PRSS54: variants seen among roughly 807,000 people sequenced by gnomAD.
The protein encoded by PRSS54 is serine protease 54, also known as inactive serine protease 54.
In PRSS54, 16 loss-of-function variants were observed where a neutral mutation model predicts 19.9. That is an observed-to-expected ratio of 0.80 (90% CI 0.54 to 1.22). The LOEUF is 1.22. Among genes scored for constraint, PRSS54 ranks in the 50% most tolerant of loss-of-function variants. PRSS54 has a pLI of 0.00. For missense variants in PRSS54, 444 were observed against 494.8 expected, an observed-to-expected ratio of 0.90 and a Z score of 0.97; for synonymous variants, 177 against 195.8, an observed-to-expected ratio of 0.90 and a Z score of 0.80.
chr16:58,284,295 A>G (rs935291051), intron 6 of PRSS54: 2 of 334,990 alleles, frequency 6.0e-6, no homozygotes, highest in Non-Finnish European at 1.2e-5. Context: ...TGCTCAAAGC[A>G]TATCGGCCTC....
chr16:58,286,021 C>T lies in PRSS54; in HGVS notation c.438G>A (p.Gln146=). Residue 146 remains glutamine, a synonymous_variant, in exon 5 of 7, where the codon CAG becomes CAA. Coordinates refer to ENST00000567164, the MANE Select transcript of PRSS54 (RefSeq NM_001305173.2). ...DTAMHFGNLV[Q]SICFLGRMLH... is the part of the protein sequence containing the mutation. Reference sequence around the variant, plus strand: ...GCATTCTGCCGAGGAAGCAGATGGACTGGACCAGGTTGCCAAAATGCATCG... The same window carrying T: ...GCATTCTGCCGAGGAAGCAGATGGATTGGACCAGGTTGCCAAAATGCATCG... The T allele has an allele frequency of 6.2e-7, 1 of 1,614,196 alleles. No individual in the cohort carries two copies. Among genetic ancestry groups the T allele is most frequent in the Non-Finnish European group, 8.5e-7 (1 of 1,180,042 alleles).
intron 4 of PRSS54, among the ~76,000 whole-genome samples, chr16:58,289,729 GC>G (rs1445867313): frequency 6.6e-6 from 1 of 151,902 alleles, no homozygotes; most frequent in Non-Finnish European, 1.5e-5. Context: ...ATGCCACTAT[GC>G]CCCGGTAATT....
rs756469714 is a variant in PRSS54 at position 58,291,469 on chromosome 16, A to G, written c.86-333T>C. 8.8e-4 allele frequency among the ~76,000 whole-genome samples: 131 copies of G among 149,096 alleles called. 2 individuals are homozygous for G. The highest frequency in any genetic ancestry group is 5.2e-4 in the Non-Finnish European group (35 of 67,012). Reference sequence around the variant, plus strand: ...TTTTGGGATCTGCAAGGTTAAAGCTATTTTCATTTTCTTTTCTTTTTTTCT... The same window carrying G: ...TTTTGGGATCTGCAAGGTTAAAGCTGTTTTCATTTTCTTTTCTTTTTTTCT... On this transcript the variant is annotated intron_variant, in intron 3 of 6. Transcript: ENST00000567164.
chr16:58,284,152 C>T (rs990886702), intron 6 of PRSS54, among the ~76,000 whole-genome samples: 5 of 151,904 alleles, frequency 3.3e-5, no homozygotes. Flanking sequence ...GGCAGTAGGA[C>T]AGCCACATCC....
At position 58,280,227 on chromosome 16, in the gene PRSS54, G is replaced by C; in HGVS notation, c.1185C>G (p.Ile395Met). Residue 395 changes from isoleucine (I) to methionine (M), a missense_variant, in exon 7 of 7, where the codon ATC becomes ATG. Coordinates refer to ENST00000567164, the MANE Select transcript of PRSS54 (RefSeq NM_001305173.2). ...GTTTGGTGGGGTAGCTCCTGGACTA[G>C]ATACTGCTGCAAAAGAAAACAAGCA... The part of the protein sequence containing the change: ...SFVLVFFCSS[I>M] 2 of 1,608,672 alleles carry C rather than the reference G, an allele frequency of 1.2e-6. No individual in the cohort carries two copies. Among genetic ancestry groups the C allele is most frequent in the South Asian group, 1.1e-5 (1 of 89,762 alleles).
intron 5 of PRSS54, among the ~76,000 whole-genome samples, chr16:58,285,723 CAAAAAAAAA>C (rs1178010291): frequency 2.5e-5 from 2 of 78,842 alleles, no homozygotes; most frequent in African/African-American, 4.9e-5. Context: ...GACCCTGTCT[CAAAAAAAAA>C]AAAAAAAAAA....
At chr16:58,281,465 A>C (rs940755904) in intron 6 of PRSS54, 4 of 152,564 alleles carry the variant, frequency 2.6e-5, no homozygotes, top group African/African-American at 9.6e-5. Context: ...TATAAAGGCC[A>C]GCATTTTTCT....
chr16:58,280,132 A>C lies in PRSS54; in HGVS notation c.*92T>G. On this transcript the variant is annotated 3_prime_UTR_variant, in exon 7 of 7. Coordinates refer to ENST00000567164, the MANE Select transcript of PRSS54 (RefSeq NM_001305173.2). ...CTTATCCGTGGCAGCCCCAGTGTGC[A>C]ACTATCAAAAACAGACATCAAAACA... The C allele has an allele frequency of 7.6e-7, 1 of 1,323,586 alleles. No individual in the cohort carries two copies. The highest frequency in any genetic ancestry group is 1.0e-6 in the Non-Finnish European group (1 of 954,430). The allele number at this position is 1,323,586 out of a possible 1,614,324, so 82.0% of individuals were successfully genotyped here.
rs781733493 is a variant in PRSS54, at chr16:58,280,562, A to C, written c.850T>G (p.Leu284Val). 1 of 1,614,174 alleles carries C rather than the reference A, an allele frequency of 6.2e-7. No individual in the cohort carries two copies. Among genetic ancestry groups the C allele is most frequent in the Admixed American group, 1.7e-5 (1 of 60,022 alleles). Residue 284 changes from leucine to valine, a missense_variant, in exon 7 of 7, where the codon TTG (leucine) becomes GTG (valine). Physicochemically the swap from Leu to Val is conservative, Grantham distance 32. Transcript: ENST00000567164. ...GGTCCATGGTGGGAGAAAGAAATCA[A>C]CTTTTCCCAGTGGTGGAGTGAGGAC... ...PLSSLHHWEKLISFSHHGPNA... is the reference protein window; with the variant it reads ...PLSSLHHWEKVISFSHHGPNA...
rs1010474956 is a variant in PRSS54 at position 58,294,053 on chromosome 16, G to A, written c.-75C>T. ...GACCAGTTGGCCCGCACTGTGGTTTGTGAGATGGCCAGAGAAGAGAGGGCA... is the reference window on the plus strand; with the variant it reads ...GACCAGTTGGCCCGCACTGTGGTTTATGAGATGGCCAGAGAAGAGAGGGCA... On this transcript the variant is annotated 5_prime_UTR_variant, in exon 2 of 7. Coordinates refer to ENST00000567164, the MANE Select transcript of PRSS54 (RefSeq NM_001305173.2). 5 of 538,154 alleles carry A rather than the reference G, an allele frequency of 9.3e-6. No homozygotes were observed. Among genetic ancestry groups the A allele is most frequent in the South Asian group, 6.5e-5 (3 of 46,508 alleles). 33.3% of individuals were successfully genotyped at this position (538,154 alleles called of 1,614,324 possible).
intron 3 of PRSS54, 96 bp downstream of exon 3, chr16:58,293,636 C>T: frequency 6.5e-7 from 1 of 1,542,046 alleles, no homozygotes; most frequent in East Asian, 2.4e-5. Flanking sequence ...CCCTGAGCCC[C>T]TCCTTGGACA....
chr16:58,287,040 G>A (rs1964933812), intron 4 of PRSS54, among the ~76,000 whole-genome samples: 1 of 152,160 alleles, frequency 6.6e-6, no homozygotes, highest in Admixed American at 6.6e-5. Context: ...TTAAAGGCTT[G>A]AGAGGAAAAT....
At chr16:58,288,301 C>T (rs1964962819) in intron 4 of PRSS54, among the ~76,000 whole-genome samples, 1 of 152,146 alleles carries the variant, frequency 6.6e-6, no homozygotes, top group Non-Finnish European at 1.5e-5. Flanking sequence ...TGGCATGCGC[C>T]TGTAGTCCCA....
intron 6 of PRSS54, chr16:58,283,054 C>T (rs11865985): frequency 0.1 from 15,804 of 152,304 alleles, 916 homozygotes; most frequent in Admixed American, 0.13. Flanking sequence ...CCCAAGGGAG[C>T]GGCCACAGCC....
intron 5 of PRSS54, 137 bp from the exon 6 acceptor site, chr16:58,284,858 A>G (rs1003399713): frequency 1.2e-5 from 11 of 896,902 alleles, no homozygotes; most frequent in Admixed American, 2.6e-5. Context: ...TCTGTCACGC[A>G]GGCTGGAGTA....
rs150310706 is a variant in PRSS54, at chr16:58,290,023, G to A, written c.263+936C>T. Among the ~76,000 whole-genome samples the A allele has an allele frequency of 4.9e-4, 74 of 150,914 alleles. No homozygotes were observed. In the East Asian group the frequency reaches 0.011, roughly 23 times the overall value. ...CCCAATACTCTGTGTGTGTATATAC[G>A]TAATTATAGATTATATACTATATGT... On this transcript the variant is annotated intron_variant, in intron 4 of 6. Transcript: ENST00000567164.
At position 58,284,693 on chromosome 16, in the gene PRSS54, A is replaced by G. The variant is rs1964867473; in HGVS notation, c.551T>C (p.Leu184Pro). The change falls in exon 6 of 7, where the codon CTG (leucine) becomes CCG (proline). Residue 184 changes from leucine to proline, a missense_variant. By Grantham distance (98) the Leu-to-Pro change is moderately conservative (BLOSUM62 -3). Coordinates refer to ENST00000567164, the MANE Select transcript of PRSS54 (RefSeq NM_001305173.2). Reference protein sequence around the residue: ...ATGNHMTMSVLRKIFVKDLDM... With the variant: ...ATGNHMTMSVPRKIFVKDLDM... ...AAGATCTTTCACGAAGATTTTCCTC[A>G]GGACACTCATCGTCATGTGATTTCC... 5 of 1,614,164 alleles carry G rather than the reference A, an allele frequency of 3.1e-6. No homozygotes were observed. In the South Asian group the frequency reaches 4.4e-5, roughly 14 times the overall value.
chr16:58,285,744 A>AAAAAAAAAAAAAAAAAGAAG lies in PRSS54; in HGVS notation c.522+192_522+193insCTTCTTTTTTTTTTTTTTTT, dbSNP rs146167626. Among the ~76,000 whole-genome samples, 6 of 77,362 alleles carry AAAAAAAAAAAAAAAAAGAAG rather than the reference A, an allele frequency of 7.8e-5. 1 individual carries two copies. The highest frequency in any genetic ancestry group is 2.9e-4 in the African/African-American group (4 of 13,984). The allele number at this position is 77,362 out of a possible 152,430, so 50.8% of individuals were successfully genotyped here. ...GTCTCAAAAAAAAAAAAAAAAAAAA[A>AAAAAAAAAAAAAAAAAGAAG]AAGAAGAAGAAGAAGAAGAGTGGCT... On this transcript the variant is annotated intron_variant, in intron 5 of 6. Coordinates refer to ENST00000567164, the MANE Select transcript of PRSS54 (RefSeq NM_001305173.2).
intron 6 of PRSS54, chr16:58,281,606 G>A (rs72786138): frequency 0.1 from 15,790 of 152,242 alleles, 909 homozygotes; most frequent in Admixed American, 0.13. Flanking sequence ...ATCTTGGTCC[G>A]AGAAGGGGGT....
Sources: allele counts gnomAD v4.1 joint callset (sites outside exome capture counted in the v4.1 genomes callset), GRCh38; gene constraint gnomAD v4.1.1; transcripts MANE v1.5; gene names NCBI Gene and HGNC (gene_info 2026-07-23, HGNC 2026-07-21).